BCKDHB: variants seen among roughly 807,000 people sequenced by gnomAD.
BCKDHB encodes the protein 2-oxoisovalerate dehydrogenase subunit beta, mitochondrial.
BCKDHB carries 41 observed loss-of-function variants against 48.5 expected under a neutral mutation model. That is an observed-to-expected ratio of 0.85 (90% confidence interval 0.66 to 1.10). The LOEUF is 1.10. Ranked by LOEUF, BCKDHB falls within the 50% of genes least tolerant of loss-of-function variation. BCKDHB has a pLI of 0.00. For synonymous variants in BCKDHB, 201 were observed against 174.8 expected, an observed-to-expected ratio of 1.15 and a Z score of -1.18; for missense variants, 496 against 494.2, an observed-to-expected ratio of 1.00 and a Z score of -0.03.
the BCKDHB span, among the ~76,000 whole-genome samples, chr6:80,378,650 C>A: frequency 6.6e-6 from 1 of 151,988 alleles, no homozygotes. Context: ...TAGGTAGATA[C>A]CCAGTAGTGG....
At chr6:80,286,581 C>T (rs1163527131) in intron 9 of BCKDHB, among the ~76,000 whole-genome samples, 3 of 152,140 alleles carry the variant, frequency 2.0e-5, no homozygotes, top group African/African-American at 7.2e-5. Flanking sequence ...AACTCTTAGC[C>T]TTAAGTTAAT....
the BCKDHB span, among the ~76,000 whole-genome samples, chr6:80,367,448 C>T: frequency 3.9e-5 from 6 of 152,164 alleles, no homozygotes; most frequent in African/African-American, 1.4e-4. Context: ...ACAGTGGAAT[C>T]ACTGCACAAA....
the BCKDHB span, among the ~76,000 whole-genome samples, chr6:80,430,365 A>T: frequency 1.3e-5 from 2 of 152,162 alleles, no homozygotes; most frequent in Non-Finnish European, 2.9e-5. Context: ...TATCAGGATG[A>T]TGCTGGCTTC....
At chr6:80,199,401 A>G (rs986753843) in intron 6 of BCKDHB, among the ~76,000 whole-genome samples, 6 of 152,138 alleles carry the variant, frequency 3.9e-5, no homozygotes, top group Non-Finnish European at 5.9e-5. Context: ...ATATACATAT[A>G]TAATAAAAAA....
intron 9 of BCKDHB, among the ~76,000 whole-genome samples, chr6:80,316,982 G>A (rs539170621): frequency 2.6e-5 from 4 of 152,136 alleles, no homozygotes; most frequent in Non-Finnish European, 4.4e-5. Context: ...AAAGATTTAC[G>A]CTGTCAACCT....
intron 9 of BCKDHB, among the ~76,000 whole-genome samples, chr6:80,335,248 G>GAGA (rs1769524672): frequency 6.9e-5 from 2 of 28,870 alleles, no homozygotes; most frequent in Non-Finnish European, 2.8e-4. Context: ...AAAAAAAAAA[G>GAGA]AAGAAAAATT....
At chr6:80,258,475 G>A (rs1204161926) in intron 8 of BCKDHB, among the ~76,000 whole-genome samples, 6 of 152,200 alleles carry the variant, frequency 3.9e-5, no homozygotes, top group African/African-American at 1.4e-4. Context: ...TTCATCACTG[G>A]CCTGTAGTTC....
At chr6:80,377,150 C>T in the BCKDHB span, among the ~76,000 whole-genome samples, 10 of 151,788 alleles carry the variant, frequency 6.6e-5, no homozygotes, top group African/African-American at 2.4e-4. Flanking sequence ...AAGTGATTCT[C>T]CCACCTCAGT....
At position 80,247,298 on chromosome 6, in the gene BCKDHB, C is replaced by A. The variant is rs1776657169; in HGVS notation, c.952-25837C>A. Among the ~76,000 whole-genome samples the A allele has an allele frequency of 4.6e-5, 7 of 152,166 alleles. No homozygotes were observed. In the South Asian group the frequency reaches 1.4e-3, roughly 31 times the overall value. On this transcript the variant is annotated intron_variant, in intron 8 of 9. Transcript: ENST00000320393. ...CTTTCAGCTTTGCTGGGTAAAGCAA[C>A]AAGATTAGTAAGAATAAAAATAAAT...
chr6:80,353,178 C>T, the BCKDHB span, among the ~76,000 whole-genome samples: 1 of 152,066 alleles, frequency 6.6e-6, no homozygotes, highest in African/African-American at 2.4e-5. Flanking sequence ...CTGTGTCTGG[C>T]TTGTTTTACT....
the BCKDHB span, among the ~76,000 whole-genome samples, chr6:80,445,851 A>C: frequency 6.6e-6 from 1 of 152,188 alleles, no homozygotes; most frequent in African/African-American, 2.4e-5. Context: ...CAAACCTGCC[A>C]TGTTAAACTG....
At chr6:80,115,764 G>A (rs1689119824) in intron 1 of BCKDHB, among the ~76,000 whole-genome samples, 1 of 151,766 alleles carries the variant, frequency 6.6e-6, no homozygotes, top group Non-Finnish European at 1.5e-5. Context: ...AGCCTCCCAA[G>A]TAGCTGGAAC....
chr6:80,372,597 G>T, the BCKDHB span, among the ~76,000 whole-genome samples: 11 of 152,184 alleles, frequency 7.2e-5, no homozygotes, highest in Admixed American at 7.2e-4. Flanking sequence ...GTCATAGATG[G>T]CTTTTATTTC....
the BCKDHB span, among the ~76,000 whole-genome samples, chr6:80,423,269 C>G: frequency 6.6e-6 from 1 of 152,160 alleles, no homozygotes; most frequent in African/African-American, 2.4e-5. Context: ...TTTCCTGAGG[C>G]CTCCTCAGCC....
the BCKDHB span, among the ~76,000 whole-genome samples, chr6:80,364,903 A>G: frequency 1.3e-5 from 2 of 152,202 alleles, no homozygotes; most frequent in African/African-American, 4.8e-5. Context: ...AAAGAGAGAC[A>G]GTATAAAGAG....
chr6:80,295,514 A>T (rs193137411), intron 9 of BCKDHB, among the ~76,000 whole-genome samples: 2 of 152,070 alleles, frequency 1.3e-5, no homozygotes, highest in East Asian at 3.9e-4. Context: ...CTCCCATGAC[A>T]TATGGGAATT....
the BCKDHB span, among the ~76,000 whole-genome samples, chr6:80,416,814 G>A: frequency 1.5e-4 from 22 of 150,442 alleles, no homozygotes; most frequent in South Asian, 4.4e-3. Flanking sequence ...TAAGTTTTAG[G>A]TATTCTGGGT....
At position 80,293,573 on chromosome 6, in the gene BCKDHB, C is replaced by T. The variant is rs577730118; in HGVS notation, c.1038+20352C>T. Among the ~76,000 whole-genome samples, 15 of 152,308 alleles carry T rather than the reference C, an allele frequency of 9.8e-5. No individual in the cohort carries two copies. In the South Asian group the frequency reaches 2.9e-3, roughly 29 times the overall value. On this transcript the variant is annotated intron_variant, in intron 9 of 9. Coordinates refer to ENST00000320393, the MANE Select transcript of BCKDHB (RefSeq NM_183050.4). ...CCACCGTGAAGGTCTCTGACATGCCCTGGAGACATTTTCCCATTGTCTTGG... is the reference window on the plus strand; with the variant it reads ...CCACCGTGAAGGTCTCTGACATGCCTTGGAGACATTTTCCCATTGTCTTGG...
At chr6:80,248,904 G>GTA (rs1562173625) in intron 8 of BCKDHB, among the ~76,000 whole-genome samples, 1 of 6,224 alleles carries the variant, frequency 1.6e-4, no homozygotes, top group Non-Finnish European at 5.0e-4. Context: ...GTGTGTGTAT[G>GTA]TGTGTGTGTG....
Sources: gnomAD v4.1 joint callset for allele counts (sites outside exome capture counted in the v4.1 genomes callset) on GRCh38, gnomAD v4.1.1 for gene constraint, MANE v1.5 for transcripts, NCBI Gene and HGNC (gene_info 2026-07-23, HGNC 2026-07-21) for gene names.